MAP3K1: variants seen among roughly 807,000 people sequenced by gnomAD.
MAP3K1 encodes MAP/ERK kinase kinase 1.
Under a neutral mutation model 144.2 loss-of-function variants are expected in MAP3K1, and 36 were observed. The ratio of observed to expected loss-of-function variants is 0.25; its 90% CI spans 0.19 to 0.33. MAP3K1 has a LOEUF of 0.33. Ranked by LOEUF, MAP3K1 falls within the 10% of genes least tolerant of loss-of-function variation. The probability of loss-of-function intolerance (pLI) is 1.00; values close to 1 mark genes in which losing one functional copy is unlikely to be tolerated. For missense variants in MAP3K1, 1,650 were observed against 1,881.9 expected (o/e 0.88, Z 2.28); for synonymous variants, 718 against 688.7 (o/e 1.04, Z -0.67).
intron 14 of MAP3K1, 70 bp from the exon 15 acceptor site, chr5:56,883,457 A>G (rs1461349669): frequency 1.3e-5 from 19 of 1,450,328 alleles, no homozygotes; most frequent in Admixed American, 1.0e-4. Flanking sequence ...TAAGAATAAT[A>G]TCTTGCAGAC....
chr5:56,860,129 T>C (rs1423463392), intron 3 of MAP3K1, among the ~76,000 whole-genome samples: 2 of 152,092 alleles, frequency 1.3e-5, no homozygotes, highest in African/African-American at 4.8e-5. Context: ...TTTGCCTCTT[T>C]CCCTGCATTG....
chr5:56,884,421 C>G (rs147695254), intron 15 of MAP3K1, among the ~76,000 whole-genome samples: 42 of 152,216 alleles, frequency 2.8e-4, no homozygotes, highest in African/African-American at 7.0e-4. Context: ...CTCATCTTTA[C>G]TCTGAGACTA....
intron 1 of MAP3K1, among the ~76,000 whole-genome samples, chr5:56,835,831 C>A (rs969531804): frequency 2.0e-5 from 3 of 151,816 alleles, no homozygotes; most frequent in Non-Finnish European, 4.4e-5. Context: ...AAGGAGATGG[C>A]GGCTTGGAGG....
In MAP3K1 at chr5:56,881,973, G is replaced by A. The variant is rs1482876922; in HGVS notation, c.2773G>A (p.Glu925Lys). 1 of 1,614,074 alleles carries A rather than the reference G, an allele frequency of 6.2e-7. No homozygotes were observed. The highest frequency in any genetic ancestry group is 2.2e-5 in the East Asian group (1 of 44,876). The change falls in exon 14 of 20, where the codon GAG becomes AAG. Residue 925 changes from glutamate (E) to lysine (K), a missense_variant. Glu to Lys is a moderately conservative substitution (Grantham distance 56, BLOSUM62 1). Transcript: ENST00000399503. ...TGCTACAAAATTGAGTGCCAGTTCA[G>A]AGGACATTTCTGAGAGACTGGCCAG... Reference protein sequence around the residue: ...LCATKLSASSEDISERLASIS... With the variant: ...LCATKLSASSKDISERLASIS...
Position 56,883,450 on chromosome 5 carries a change from G to A in MAP3K1, c.3667-77G>A, listed in dbSNP as rs756200860. On this transcript the variant is annotated intron_variant, in intron 14 of 19. Coordinates refer to ENST00000399503, the MANE Select transcript of MAP3K1 (RefSeq NM_005921.2). The stretch of plus-strand genomic sequence containing the variant: ...TGGTTTGGGAAGCCAGACTGAATAA[G>A]AATAATATCTTGCAGACTAATTTCA... The A allele has an allele frequency of 4.9e-6, 7 of 1,418,016 alleles. 1 individual carries two copies. In the East Asian group the frequency reaches 9.3e-5, roughly 19 times the overall value. 87.8% of individuals were successfully genotyped at this position (1,418,016 alleles called of 1,614,324 possible).
intron 1 of MAP3K1, among the ~76,000 whole-genome samples, chr5:56,847,470 G>A (rs540889964): frequency 1.3e-4 from 20 of 152,272 alleles, no homozygotes; most frequent in African/African-American, 4.3e-4. Context: ...TGTGTTGGGC[G>A]TCTGTAATCC....
At chr5:56,845,130 C>A (rs1457026771) in intron 1 of MAP3K1, among the ~76,000 whole-genome samples, 1 of 152,178 alleles carries the variant, frequency 6.6e-6, no homozygotes, top group African/African-American at 2.4e-5. Flanking sequence ...ATATCTATAA[C>A]TTCTTAAAAT....
chr5:56,848,239 TA>T (rs1425076544), intron 1 of MAP3K1, among the ~76,000 whole-genome samples: 3 of 152,232 alleles, frequency 2.0e-5, no homozygotes, highest in Admixed American at 6.5e-5. Context: ...TTGGAAGTAA[TA>T]AAAACTTTCG....
In MAP3K1 at chr5:56,882,288, C is replaced by G. The variant is rs2111945511; in HGVS notation, c.3088C>G (p.His1030Asp). 6.2e-7 allele frequency: 1 copy of G among 1,614,072 alleles called. No individual in the cohort carries two copies. Among genetic ancestry groups the G allele is most frequent in the Non-Finnish European group, 8.5e-7 (1 of 1,180,014 alleles). ...QTQRKFSLQF[H>D]RNCPENKDSD... ...ACAGCGCAAGTTTTCTCTACAATTC[C>G]ACAGAAACTGTCCTGAAAACAAAGA... Residue 1030 changes from histidine (H) to aspartate (D), a missense_variant, in exon 14 of 20, where the codon CAC becomes GAC. By Grantham distance (81) the His-to-Asp change is moderately conservative. Coordinates refer to ENST00000399503, the MANE Select transcript of MAP3K1 (RefSeq NM_005921.2).
At chr5:56,819,591 G>T (rs1746092924) in intron 1 of MAP3K1, among the ~76,000 whole-genome samples, 1 of 152,112 alleles carries the variant, frequency 6.6e-6, no homozygotes, top group Non-Finnish European at 1.5e-5. Flanking sequence ...ATTCAGAAAT[G>T]CTCTCAGGTA....
chr5:56,865,982 G>T lies in MAP3K1; in HGVS notation c.1301+5G>T. ...TACGTCTAGTTCAGAAAACAGGTTA[G>T]TACTTTTTAAGGATTTCAAACATTA... On this transcript the variant is annotated splice_donor_5th_base_variant and intron_variant, in intron 6 of 19. Coordinates refer to ENST00000399503, the MANE Select transcript of MAP3K1 (RefSeq NM_005921.2). 6.2e-7 allele frequency: 1 copy of T among 1,601,890 alleles called. No individual in the cohort carries two copies. Among genetic ancestry groups the T allele is most frequent in the Non-Finnish European group, 8.6e-7 (1 of 1,168,902 alleles).
chr5:56,815,920 C>T lies in MAP3K1; in HGVS notation c.347C>T (p.Ala116Val), dbSNP rs1046935979. ...QPVAVPPPHGAASRGGAHLTE... is the reference protein window; with the variant it reads ...QPVAVPPPHGVASRGGAHLTE... ...GTGGCGGTGCCGCCGCCCCACGGAGCCGCGAGCCGCGGCGGCGCCCACCTT... is the reference window on the plus strand; with the variant it reads ...GTGGCGGTGCCGCCGCCCCACGGAGTCGCGAGCCGCGGCGGCGCCCACCTT... The change falls in exon 1 of 20, where the codon GCC becomes GTC. Residue 116 changes from alanine to valine, a missense_variant. Transcript: ENST00000399503. 2.3e-6 allele frequency: 3 copies of T among 1,277,734 alleles called. No individual in the cohort carries two copies. In the Admixed American group the frequency reaches 1.2e-4, roughly 52 times the overall value. 79.1% of individuals were successfully genotyped at this position (1,277,734 alleles called of 1,614,324 possible). A position where few individuals can be genotyped will look rare whatever the true frequency, so the allele number is the denominator to read the frequency against.
chr5:56,841,316 G>A (rs1746808392), intron 1 of MAP3K1, among the ~76,000 whole-genome samples: 1 of 152,018 alleles, frequency 6.6e-6, no homozygotes, highest in South Asian at 2.1e-4. Context: ...CTTTCTGAGA[G>A]CTTTGATAGA....
In MAP3K1 at chr5:56,815,849, G is replaced by T. The variant is rs1581199221; in HGVS notation, c.276G>T (p.Ser92=). 1 of 1,402,180 alleles carries T rather than the reference G, an allele frequency of 7.1e-7. No homozygotes were observed. Among genetic ancestry groups the T allele is most frequent in the Non-Finnish European group, 9.3e-7 (1 of 1,073,888 alleles). 86.9% of individuals were successfully genotyped at this position (1,402,180 alleles called of 1,614,324 possible). ...ASPPASSTSP[S]PEPADAAGSG... ...CGCCGGCCTCCTCGACTTCCCCGTC[G>T]CCGGAGCCCGCGGACGCAGCGGGGA... Residue 92 remains serine, a synonymous_variant, in exon 1 of 20, where the codon TCG becomes TCT. Coordinates refer to ENST00000399503, the MANE Select transcript of MAP3K1 (RefSeq NM_005921.2).
chr5:56,821,889 T>A (rs928697872), intron 1 of MAP3K1, among the ~76,000 whole-genome samples: 4 of 152,240 alleles, frequency 2.6e-5, no homozygotes, highest in African/African-American at 9.6e-5. Flanking sequence ...ATGAATTAAT[T>A]TTCCAAAAGT....
At chr5:56,858,203 G>A (rs1747396867) in intron 2 of MAP3K1, among the ~76,000 whole-genome samples, 1 of 152,206 alleles carries the variant, frequency 6.6e-6, no homozygotes, top group African/African-American at 2.4e-5. Flanking sequence ...GTTTGAATGT[G>A]CTGCTTTCTG....
At chr5:56,883,483 T>C (rs1294049978) in intron 14 of MAP3K1, 44 bp from the exon 15 acceptor site, 1 of 1,593,122 alleles carries the variant, frequency 6.3e-7, no homozygotes, top group African/African-American at 1.3e-5. Flanking sequence ...TCACAAAATC[T>C]TACTCCTTTA....
intron 10 of MAP3K1, among the ~76,000 whole-genome samples, chr5:56,875,805 G>C (rs1489120096): frequency 6.6e-6 from 1 of 152,122 alleles, no homozygotes; most frequent in Non-Finnish European, 1.5e-5. Flanking sequence ...ACATTTTTCT[G>C]AGCAGATACC....
Position 56,873,256 on chromosome 5 carries a change from A to C in MAP3K1, c.1686+251A>C, listed in dbSNP as rs565809448. Among the ~76,000 whole-genome samples, 6 of 152,322 alleles carry C rather than the reference A, an allele frequency of 3.9e-5. No individual in the cohort carries two copies. In the South Asian group the frequency reaches 1.2e-3, roughly 32 times the overall value. ...GAAACATCTCTTCCTGAACTAACGGACATACGGGGTTATTCAAGGATAGAA... is the reference window on the plus strand; with the variant it reads ...GAAACATCTCTTCCTGAACTAACGGCCATACGGGGTTATTCAAGGATAGAA... On this transcript the variant is annotated intron_variant, in intron 9 of 19. Transcript: ENST00000399503.
Sources: gnomAD v4.1 joint callset for allele counts (sites outside exome capture counted in the v4.1 genomes callset) on GRCh38, gnomAD v4.1.1 for gene constraint, MANE v1.5 for transcripts, NCBI Gene and HGNC (gene_info 2026-07-23, HGNC 2026-07-21) for gene names.